Variants in LIPG observed in about 807,000 individuals in gnomAD.
The protein encoded by LIPG is lipase G, endothelial type, also known as endothelial lipase.
LIPG carries 34 observed loss-of-function variants against 51.8 expected under a neutral mutation model. The ratio of observed to expected loss-of-function variants is 0.66; its 90% CI spans 0.50 to 0.87. The LOEUF is 0.87. Ranked by LOEUF, LIPG falls within the 40% of genes least tolerant of loss-of-function variation. The pLI is 0.00. For missense variants in LIPG, 580 were observed against 652.7 expected, an observed-to-expected ratio of 0.89 and a Z score of 1.21; for synonymous variants, 246 against 246.1, an observed-to-expected ratio of 1.00 and a Z score of 0.00.
At chr18:49,569,045 A>C (rs1327714786) in intron 3 of LIPG, among the ~76,000 whole-genome samples, 7 of 152,138 alleles carry the variant, frequency 4.6e-5, no homozygotes, top group Non-Finnish European at 1.0e-4. Flanking sequence ...GGGCAGGCAG[A>C]GGGCATTCTG....
At chr18:49,566,086 A>G (rs2084603985) in intron 2 of LIPG, among the ~76,000 whole-genome samples, 1 of 152,252 alleles carries the variant, frequency 6.6e-6, no homozygotes, top group African/African-American at 2.4e-5. Flanking sequence ...TTATTCATTC[A>G]TATAATGACA....
rs951866927 is a variant in LIPG, at chr18:49,575,421, C to G, written c.624C>G (p.Leu208=). The stretch of plus-strand genomic sequence containing the variant: ...AAGGGGCCGACATCCACAAGAGGCT[C>G]TCTCCGGACGATGCAGATTTTGTGG... ...MFEGADIHKR[L]SPDDADFVDV... Residue 208 remains leucine (L), a synonymous_variant, in exon 5 of 10, where the codon CTC becomes CTG. Transcript: ENST00000261292. 6 of 1,613,998 alleles carry G rather than the reference C, an allele frequency of 3.7e-6. No individual in the cohort carries two copies. Among genetic ancestry groups the G allele is most frequent in the East Asian group, 2.2e-5 (1 of 44,880 alleles).
In LIPG at chr18:49,576,457, C is replaced by CTTTTTTTTTTTTTTTTTTTTTTTTTTTTT. The variant is rs34597464; in HGVS notation, c.793+894_793+895insTTTTTTTTTTTTTTTTTTTTTTTTTTTTT. Among the ~76,000 whole-genome samples, 4 of 51,524 alleles carry CTTTTTTTTTTTTTTTTTTTTTTTTTTTTT rather than the reference C, an allele frequency of 7.8e-5. 2 individuals carry two copies. Among genetic ancestry groups the CTTTTTTTTTTTTTTTTTTTTTTTTTTTTT allele is most frequent in the Non-Finnish European group, 7.0e-5 (2 of 28,674 alleles). 33.8% of individuals were successfully genotyped at this position (51,524 alleles called of 152,430 possible). A position where few individuals can be genotyped will look rare whatever the true frequency, so the allele number is the denominator to read the frequency against. On this transcript the variant is annotated intron_variant, in intron 5 of 9. Transcript: ENST00000261292. ...TCTTTTTTTAAAAGACAGAATCTTGCTTTTTTTTTTTTTTTTTTTTTTTTT... is the reference window on the plus strand; with the variant it reads ...TCTTTTTTTAAAAGACAGAATCTTGCTTTTTTTTTTTTTTTTTTTTTTTTTTTTTTTTTTTTTTTTTTTTTTTTTTTTTT...
In LIPG at chr18:49,586,810, C is replaced by T. The variant is rs751862851; in HGVS notation, c.1441C>T (p.Arg481Cys). 1.2e-5 allele frequency: 20 copies of T among 1,614,104 alleles called. No individual in the cohort carries two copies. The highest frequency in any genetic ancestry group is 1.1e-4 in the South Asian group (10 of 91,082). The change falls in exon 9 of 10, where the codon CGC becomes TGC. Residue 481 changes from arginine (R) to cysteine (C), a missense_variant. Physicochemically the swap from Arg to Cys is radical, Grantham distance 180 (BLOSUM62 -3). Coordinates refer to ENST00000261292, the MANE Select transcript of LIPG (RefSeq NM_006033.4). ...SISPGRELWF[R>C]KCRDGWRMKN... ...ATCCCCAGGCCGGGAGCTCTGGTTT[C>T]GCAAGTGTCGGGATGGCTGGAGGAT...
At chr18:49,567,420 C>T (rs2000812) in intron 2 of LIPG, 22 bp from the exon 3 acceptor site, 1,279,793 of 1,608,356 alleles carry the variant, frequency 0.8, 514,908 homozygotes, top group African/African-American at 0.96. Flanking sequence ...GAATAAAAAA[C>T]AACTTCCACT....
chr18:49,576,451 A>G (rs868154451), intron 5 of LIPG, among the ~76,000 whole-genome samples: 9 of 73,998 alleles, frequency 1.2e-4, no homozygotes, highest in African/African-American at 5.3e-4. Flanking sequence ...AAAAGACAGA[A>G]TCTTGCTTTT....
rs552309633 is a variant in LIPG, at chr18:49,592,653, T to C, written c.*2131T>C. The C allele has an allele frequency of 6.5e-6, 1 of 152,686 alleles. No individual in the cohort carries two copies. The highest frequency in any genetic ancestry group is 2.1e-4 in the South Asian group (1 of 4,852). 9.5% of individuals were successfully genotyped at this position (152,686 alleles called of 1,614,324 possible). ...AACCCATATTATTGGCTGTACATCC[T>C]GGTCACTTCTGACTTCTGTTTTTAC... On this transcript the variant is annotated 3_prime_UTR_variant, in exon 10 of 10. Transcript: ENST00000261292.
At chr18:49,573,697 T>C (rs558081334) in intron 4 of LIPG, among the ~76,000 whole-genome samples, 1 of 152,230 alleles carries the variant, frequency 6.6e-6, no homozygotes, top group Non-Finnish European at 1.5e-5. Flanking sequence ...CTCTAGACGG[T>C]AGCTCTGCCT....
chr18:49,578,306 C>G (rs1185523597), intron 5 of LIPG, among the ~76,000 whole-genome samples: 184 of 140,838 alleles, frequency 1.3e-3, no homozygotes, highest in African/African-American at 4.8e-3. Flanking sequence ...ACTTCTCAGA[C>G]GGGGCAGCCG....
chr18:49,565,279 T>C, intron 1 of LIPG, 38 bp from the exon 2 acceptor site: 1 of 1,607,040 alleles, frequency 6.2e-7, no homozygotes, highest in African/African-American at 1.3e-5. Flanking sequence ...ACTCCGCAAG[T>C]CTGCTAGATG....
chr18:49,581,666 C>T lies in LIPG; in HGVS notation c.1036+9C>T. On this transcript the variant is annotated intron_variant, in intron 6 of 9. Coordinates refer to ENST00000261292, the MANE Select transcript of LIPG (RefSeq NM_006033.4). ...AGGCATGCCTTTCAGAGGTAACCTTCAGTCCCTGGAGTGTCCCTGAGGAAG... is the reference window on the plus strand; with the variant it reads ...AGGCATGCCTTTCAGAGGTAACCTTTAGTCCCTGGAGTGTCCCTGAGGAAG... 1 of 1,612,288 alleles carries T rather than the reference C, an allele frequency of 6.2e-7. No homozygotes were observed.
At chr18:49,578,109 G>T (rs71355400) in intron 5 of LIPG, among the ~76,000 whole-genome samples, 5 of 76,122 alleles carry the variant, frequency 6.6e-5, no homozygotes, top group Admixed American at 2.0e-4. Flanking sequence ...GCGGCTGGCC[G>T]GGCGGGGGGC....
Position 49,594,498 on chromosome 18 carries a change from A to G in LIPG, c.*3976A>G, listed in dbSNP as rs1297511305. 4 of 151,952 alleles carry G rather than the reference A, an allele frequency of 2.6e-5. No homozygotes were observed. Among genetic ancestry groups the G allele is most frequent in the Non-Finnish European group, 5.9e-5 (4 of 67,978 alleles). 9.4% of individuals were successfully genotyped at this position (151,952 alleles called of 1,614,324 possible). A position where few individuals can be genotyped will look rare whatever the true frequency, so the allele number is the denominator to read the frequency against. On this transcript the variant is annotated 3_prime_UTR_variant, in exon 10 of 10. Transcript: ENST00000261292. Reference sequence around the variant, plus strand: ...TATTTCCCCTTTCCCCCTACCAATTACTATTTATTAAAAGGGAAATTGGAT... The same window carrying G: ...TATTTCCCCTTTCCCCCTACCAATTGCTATTTATTAAAAGGGAAATTGGAT...
intron 5 of LIPG, among the ~76,000 whole-genome samples, chr18:49,579,810 T>TTTCTTTTCTTTTCTTTTCTTTTCTC (rs2084798721): frequency 6.8e-6 from 1 of 146,452 alleles, no homozygotes; most frequent in Admixed American, 6.8e-5. Context: ...TTTCTTTTCT[T>TTTCTTTTCTTTTCTTTTCTTTTCTC]TTCTTTTCTT....
chr18:49,569,445 C>G lies in LIPG; in HGVS notation c.468C>G (p.Asp156Glu), dbSNP rs377474720. 1 of 1,614,016 alleles carries G rather than the reference C, an allele frequency of 6.2e-7. No individual in the cohort carries two copies. The highest frequency in any genetic ancestry group is 1.3e-5 in the African/African-American group (1 of 74,936). Residue 156 changes from aspartate (D) to glutamate (E), a missense_variant, in exon 4 of 10, where the codon GAC (aspartate) becomes GAG (glutamate). By Grantham distance (45) the Asp-to-Glu change is conservative (BLOSUM62 2). Transcript: ENST00000261292. ...TTGGTGACTTTCTATAGGAGAAGGA[C>G]GATTTTTCTCTCGGGAATGTCCACT... ...ARMLDWLQEK[D>E]DFSLGNVHLI...
At chr18:49,576,643 G>A (rs940380003) in intron 5 of LIPG, among the ~76,000 whole-genome samples, 14 of 151,438 alleles carry the variant, frequency 9.2e-5, no homozygotes, top group African/African-American at 3.4e-4. Flanking sequence ...CTAATTTTTT[G>A]TATTTTTAGT....
intron 7 of LIPG, 24 bp from the exon 8 acceptor site, chr18:49,583,532 G>C (rs768873191): frequency 1.2e-6 from 2 of 1,605,136 alleles, no homozygotes; most frequent in African/African-American, 2.7e-5. Context: ...AGGGGAGTGA[G>C]ATCAGCTTCT....
rs1396920034 is a variant in LIPG, at chr18:49,595,550, G to A, written c.*5028G>A. 1 of 152,036 alleles carries A rather than the reference G, an allele frequency of 6.6e-6. No homozygotes were observed. The allele number at this position is 152,036 out of a possible 1,614,324, so 9.4% of individuals were successfully genotyped here. A position where few individuals can be genotyped will look rare whatever the true frequency, so the allele number is the denominator to read the frequency against. ...GTGTGAGACAAAAATAAAATCCTGG[G>A]TGGGCACGGTGGCTCACCCCTGTAA... On this transcript the variant is annotated 3_prime_UTR_variant, in exon 10 of 10. Coordinates refer to ENST00000261292, the MANE Select transcript of LIPG (RefSeq NM_006033.4).
intron 4 of LIPG, among the ~76,000 whole-genome samples, chr18:49,574,046 G>A (rs575831256): frequency 6.6e-6 from 1 of 152,346 alleles, no homozygotes; most frequent in East Asian, 1.9e-4. Flanking sequence ...ATTTCCAGAT[G>A]TCCCCTGGGG....
Sources: allele counts gnomAD v4.1 joint callset (sites outside exome capture counted in the v4.1 genomes callset), GRCh38; gene constraint gnomAD v4.1.1; transcripts MANE v1.5; gene names NCBI Gene and HGNC (gene_info 2026-07-23, HGNC 2026-07-21).